The following TRIQK variants were observed in gnomAD, a reference collection of about 807,000 sequenced individuals.
The protein encoded by TRIQK is triple QxxK/R motif containing.
In TRIQK, 10 loss-of-function variants were observed where a neutral mutation model predicts 10.8. That is an observed-to-expected ratio of 0.92 (90% CI 0.57 to 1.57). TRIQK has a LOEUF of 1.57. Among genes scored for constraint, TRIQK ranks in the 40% most tolerant of loss-of-function variants. The pLI is 0.00. For synonymous variants in TRIQK, 33 were observed against 33.7 expected, an observed-to-expected ratio of 0.98 and a Z score of 0.07; for missense variants, 107 against 97.7, an observed-to-expected ratio of 1.09 and a Z score of -0.40.
chr8:92,992,894 C>T (rs1441444859), intron 1 of TRIQK, among the ~76,000 whole-genome samples: 2 of 152,172 alleles, frequency 1.3e-5, no homozygotes, highest in Non-Finnish European at 2.9e-5. Context: ...GACAAAATTC[C>T]AAACTAGCTC....
At chr8:92,915,789 C>A (rs565266900) in intron 3 of TRIQK, among the ~76,000 whole-genome samples, 4 of 151,762 alleles carry the variant, frequency 2.6e-5, no homozygotes, top group Admixed American at 2.0e-4. Flanking sequence ...GTTAAGTCAC[C>A]GCGCCCGGCC....
intron 3 of TRIQK, among the ~76,000 whole-genome samples, chr8:92,910,024 T>G (rs1432052204): frequency 6.6e-6 from 1 of 151,594 alleles, no homozygotes; most frequent in East Asian, 1.9e-4. Flanking sequence ...CTCAAATTAA[T>G]GTAAACAGGT....
intron 2 of TRIQK, among the ~76,000 whole-genome samples, chr8:92,937,716 A>G (rs1444339764): frequency 1.3e-5 from 2 of 151,692 alleles, no homozygotes; most frequent in East Asian, 3.9e-4. Context: ...ATATTATGTA[A>G]CCTTTCATAA....
chr8:93,006,896 C>T (rs1362307716), intron 1 of TRIQK, among the ~76,000 whole-genome samples: 1 of 152,340 alleles, frequency 6.6e-6, no homozygotes, highest in East Asian at 1.9e-4. Context: ...GCCACGGTCT[C>T]TGTGGATAAG....
intron 2 of TRIQK, among the ~76,000 whole-genome samples, chr8:92,949,782 A>G (rs868315824): frequency 1.4e-5 from 1 of 72,044 alleles, no homozygotes; most frequent in Non-Finnish European, 2.5e-5. Flanking sequence ...GAAAGAAAGA[A>G]AAAGAAAGAA....
chr8:92,896,108 C>T (rs1808579802), intron 3 of TRIQK, among the ~76,000 whole-genome samples: 1 of 152,138 alleles, frequency 6.6e-6, no homozygotes, highest in African/African-American at 2.4e-5. Flanking sequence ...ATCTTAAGGG[C>T]AACATCTCCA....
intron 2 of TRIQK, among the ~76,000 whole-genome samples, chr8:92,947,656 C>G (rs1034512561): frequency 1.0e-4 from 15 of 148,020 alleles, no homozygotes; most frequent in Non-Finnish European, 2.2e-4. Flanking sequence ...ATTCTTTAAT[C>G]CTTGTGATTG....
intron 1 of TRIQK, among the ~76,000 whole-genome samples, chr8:93,010,201 A>G (rs80035697): frequency 1.9e-3 from 294 of 152,290 alleles, no homozygotes; most frequent in African/African-American, 6.9e-3. Flanking sequence ...TTTCTTGCAC[A>G]GTAAGGTGAC....
chr8:92,883,648 T>C lies in TRIQK; in HGVS notation c.*2974A>G, dbSNP rs967111308. Reference sequence around the variant, plus strand: ...AAAGGCATCAACTTAAATTTTAACATGCATTTATTAAATTTATATGCAGAT... The same window carrying C: ...AAAGGCATCAACTTAAATTTTAACACGCATTTATTAAATTTATATGCAGAT... On this transcript the variant is annotated 3_prime_UTR_variant, in exon 5 of 5. Coordinates refer to ENST00000521988, the MANE Select transcript of TRIQK (RefSeq NM_001171797.2). 5.9e-5 allele frequency: 9 copies of C among 151,760 alleles called. No homozygotes were observed. The highest frequency in any genetic ancestry group is 2.1e-4 in the South Asian group (1 of 4,830). The allele number at this position is 151,760 out of a possible 1,614,324, so 9.4% of individuals were successfully genotyped here. A position where few individuals can be genotyped will look rare whatever the true frequency, so the allele number is the denominator to read the frequency against.
chr8:92,959,500 C>G (rs1239176159), intron 1 of TRIQK, among the ~76,000 whole-genome samples: 4 of 151,464 alleles, frequency 2.6e-5, no homozygotes, highest in Non-Finnish European at 5.9e-5. Context: ...CACACACACA[C>G]ACACACACAC....
At chr8:92,988,167 C>T (rs1401708215) in intron 1 of TRIQK, among the ~76,000 whole-genome samples, 3 of 151,606 alleles carry the variant, frequency 2.0e-5, no homozygotes, top group South Asian at 2.1e-4. Context: ...CCCACCACCA[C>T]GCCCGGCTAA....
At chr8:92,964,161 A>G (rs1812609213) in intron 1 of TRIQK, among the ~76,000 whole-genome samples, 1 of 152,102 alleles carries the variant, frequency 6.6e-6, no homozygotes, top group South Asian at 2.1e-4. Flanking sequence ...GAACAAAGGT[A>G]TGTTATGGTA....
Position 92,885,219 on chromosome 8 carries a change from T to C in TRIQK, c.*1403A>G. The C allele has an allele frequency of 2.9e-6, 1 of 340,556 alleles. No individual in the cohort carries two copies. The highest frequency in any genetic ancestry group is 7.5e-5 in the East Asian group (1 of 13,330). The allele number at this position is 340,556 out of a possible 1,614,324, so 21.1% of individuals were successfully genotyped here. A position where few individuals can be genotyped will look rare whatever the true frequency, so the allele number is the denominator to read the frequency against. On this transcript the variant is annotated 3_prime_UTR_variant, in exon 5 of 5. Transcript: ENST00000521988. The stretch of plus-strand genomic sequence containing the variant: ...TTGAAAAAAATTCTACAGAACATAA[T>C]GCTACACAGTCACAGTCGACTTTTT...
chr8:92,956,081 A>C (rs1005344755), intron 1 of TRIQK, among the ~76,000 whole-genome samples: 1 of 151,806 alleles, frequency 6.6e-6, no homozygotes, highest in African/African-American at 2.4e-5. Flanking sequence ...AAATGAAAAC[A>C]TCTCCACACA....
chr8:92,884,822 T>C lies in TRIQK; in HGVS notation c.*1800A>G, dbSNP rs756712647. ...GGAACGGGAAATAACTAAATGAAAATTGTTCACGTAAATGTGATGGGAGTG... is the reference window on the plus strand; with the variant it reads ...GGAACGGGAAATAACTAAATGAAAACTGTTCACGTAAATGTGATGGGAGTG... On this transcript the variant is annotated 3_prime_UTR_variant, in exon 5 of 5. Coordinates refer to ENST00000521988, the MANE Select transcript of TRIQK (RefSeq NM_001171797.2). 6.6e-5 allele frequency: 30 copies of C among 455,394 alleles called. No homozygotes were observed. Among genetic ancestry groups the C allele is most frequent in the Non-Finnish European group, 4.4e-6 (1 of 226,542 alleles). 28.2% of individuals were successfully genotyped at this position (455,394 alleles called of 1,614,324 possible).
intron 2 of TRIQK, among the ~76,000 whole-genome samples, chr8:92,930,148 C>T (rs898765836): frequency 4.6e-5 from 7 of 151,482 alleles, no homozygotes; most frequent in Non-Finnish European, 7.4e-5. Context: ...GAGGCCAAGG[C>T]GGGCAGATCA....
chr8:92,932,246 T>C lies in TRIQK; in HGVS notation c.-21-15236A>G, dbSNP rs140994569. Among the ~76,000 whole-genome samples, 8 of 152,292 alleles carry C rather than the reference T, an allele frequency of 5.3e-5. No homozygotes were observed. In the East Asian group the frequency reaches 1.5e-3, roughly 29 times the overall value. ...CGCCCTCCTTGGGTACCTCATTCCC[T>C]CAAATATATTCCAAGGTCCTATATA... On this transcript the variant is annotated intron_variant, in intron 2 of 4. Coordinates refer to ENST00000521988, the MANE Select transcript of TRIQK (RefSeq NM_001171797.2).
intron 1 of TRIQK, chr8:92,974,587 A>G (rs1812911136): frequency 6.6e-6 from 1 of 152,236 alleles, no homozygotes; most frequent in South Asian, 2.1e-4. Context: ...TAATTGACTG[A>G]TAGTATCTAG....
At chr8:92,946,733 A>G (rs1192554308) in intron 2 of TRIQK, among the ~76,000 whole-genome samples, 1 of 146,568 alleles carries the variant, frequency 6.8e-6, no homozygotes, top group Non-Finnish European at 1.5e-5. Flanking sequence ...ACTCCCTACC[A>G]TTTATTTTTT....
Sources: allele counts gnomAD v4.1 joint callset (sites outside exome capture counted in the v4.1 genomes callset), GRCh38; gene constraint gnomAD v4.1.1; transcripts MANE v1.5; gene names NCBI Gene and HGNC (gene_info 2026-07-23, HGNC 2026-07-21).